The following ANTXRL variants were observed in gnomAD, a reference collection of about 807,000 sequenced individuals.
ANTXRL encodes anthrax toxin receptor-like.
A neutral mutation model predicts 75.4 loss-of-function variants in ANTXRL; 63 were observed. That is an observed-to-expected ratio of 0.84 (90% confidence interval 0.68 to 1.03). ANTXRL has a LOEUF of 1.03. ANTXRL is among the 50% of genes least tolerant of loss of function. The pLI is 0.00. For synonymous variants in ANTXRL, 335 were observed against 291.3 expected, an observed-to-expected ratio of 1.15 and a Z score of -1.53; for missense variants, 797 against 789.4, an observed-to-expected ratio of 1.01 and a Z score of -0.12.
In ANTXRL at chr10:46,326,890, G is replaced by A. The variant is rs193290759; in HGVS notation, c.1411-2709G>A. 1.6e-3 allele frequency among the ~76,000 whole-genome samples: 242 copies of A among 152,254 alleles called. 1 individual carries two copies. The highest frequency in any genetic ancestry group is 5.0e-3 in the African/African-American group (206 of 41,530). On this transcript the variant is annotated intron_variant, in intron 16 of 16. Coordinates refer to ENST00000620264, the MANE Select transcript of ANTXRL (RefSeq NM_001278688.3). ...CTCTGGTCGCTCTTGCTCTGGGTAC[G>A]GCCTTGAGCTTTGTGTGTGACCTGG...
intron 13 of ANTXRL, among the ~76,000 whole-genome samples, chr10:46,309,925 G>T (rs1195340887): frequency 2.6e-5 from 4 of 152,148 alleles, no homozygotes; most frequent in Non-Finnish European, 5.9e-5. Flanking sequence ...GGGGTGCTGG[G>T]AGCTGGGGTG....
At chr10:46,299,902 C>G (rs1317619987) in intron 9 of ANTXRL, among the ~76,000 whole-genome samples, 1 of 152,204 alleles carries the variant, frequency 6.6e-6, no homozygotes. Context: ...GCCTCTCCCC[C>G]ATGCAGAGCT....
Position 46,296,168 on chromosome 10 carries a change from C to T in ANTXRL, c.475-51C>T. On this transcript the variant is annotated intron_variant, in intron 4 of 16. Transcript: ENST00000620264. ...CCTAACCTACAAAATCTTAGAGCAT[C>T]AGTGGGAGCATCTCACTGTCCAGGC... 5 of 1,535,410 alleles carry T rather than the reference C, an allele frequency of 3.3e-6. No homozygotes were observed. The Admixed American group carries it at 5.9e-5, about 18-fold the overall frequency.
rs1554962175 is a variant in ANTXRL, at chr10:46,307,403, G to A, written c.967G>A (p.Glu323Lys). 1.8e-5 allele frequency: 27 copies of A among 1,535,002 alleles called. No homozygotes were observed. Among genetic ancestry groups the A allele is most frequent in the Non-Finnish European group, 2.3e-5 (26 of 1,145,850 alleles). Reference protein sequence around the residue: ...PGPKLEKPGEEYSIEVSLNKG... With the variant: ...PGPKLEKPGEKYSIEVSLNKG... ...CCATCTGCATTTTCTATGCTTTAGG[G>A]AGTACTCTATTGAAGTCAGCTTGAA... Residue 323 changes from glutamate to lysine, a missense_variant and splice_region_variant, in exon 12 of 17, where the codon GAG (glutamate) becomes AAG (lysine). Glu to Lys is a moderately conservative substitution (Grantham distance 56). Around this residue, in one of 3 missense-constraint regions of ANTXRL, gnomAD observed 479 missense variants for 422.0 expected, o/e 1.14. Coordinates refer to ENST00000620264, the MANE Select transcript of ANTXRL (RefSeq NM_001278688.3).
At chr10:46,314,833 G>C (rs1554964374) in intron 16 of ANTXRL, among the ~76,000 whole-genome samples, 1 of 152,124 alleles carries the variant, frequency 6.6e-6, no homozygotes. Flanking sequence ...CACCCAGATA[G>C]TAAGTGGCTG....
At chr10:46,297,173 C>A in intron 5 of ANTXRL, 79 bp from the exon 6 acceptor site, 1 of 1,191,188 alleles carries the variant, frequency 8.4e-7, no homozygotes, top group Non-Finnish European at 1.2e-6. Context: ...TGGGCCCAGC[C>A]ATCTGCAGGG....
chr10:46,286,351 AG>A (rs1554955148), upstream of ANTXRL: 1 of 152,276 alleles, frequency 6.6e-6, no homozygotes, highest in Non-Finnish European at 1.5e-5. Flanking sequence ...CCATGCTGGG[AG>A]GAAGCCCAGG....
At chr10:46,305,069 A>G (rs540986725) in intron 10 of ANTXRL, among the ~76,000 whole-genome samples, 1 of 152,330 alleles carries the variant, frequency 6.6e-6, no homozygotes, top group South Asian at 2.1e-4. Flanking sequence ...AATAATTGAG[A>G]ACAACCTTTA....
intron 5 of ANTXRL, among the ~76,000 whole-genome samples, chr10:46,296,465 G>A (rs568470446): frequency 6.6e-6 from 1 of 152,288 alleles, no homozygotes; most frequent in African/African-American, 2.4e-5. Context: ...GGGATCCTGC[G>A]TGTGCAGTTC....
chr10:46,326,467 C>T (rs563128747), intron 16 of ANTXRL, among the ~76,000 whole-genome samples: 15 of 152,272 alleles, frequency 9.9e-5, no homozygotes, highest in East Asian at 3.9e-4. Context: ...TTCTGGTTCC[C>T]GCCATGCCTT....
chr10:46,325,830 G>A (rs1832054561), intron 16 of ANTXRL, among the ~76,000 whole-genome samples: 1 of 151,970 alleles, frequency 6.6e-6, no homozygotes, highest in African/African-American at 2.4e-5. Context: ...GGGTTTTTGA[G>A]GGTCTTTAAT....
At chr10:46,312,215 G>C (rs1554963714) in intron 15 of ANTXRL, among the ~76,000 whole-genome samples, 4 of 151,550 alleles carry the variant, frequency 2.6e-5, no homozygotes, top group African/African-American at 9.7e-5. Context: ...CTTGTCGCCT[G>C]CTGAGATGGG....
chr10:46,292,453 C>G (rs1218613149), intron 2 of ANTXRL, among the ~76,000 whole-genome samples: 1 of 152,022 alleles, frequency 6.6e-6, no homozygotes, highest in Non-Finnish European at 1.5e-5. Context: ...GCTGAGGGTT[C>G]AAGTAGGGGG....
At chr10:46,313,088 G>A in intron 15 of ANTXRL, 148 bp from the exon 16 acceptor site, 2 of 716,566 alleles carry the variant, frequency 2.8e-6, no homozygotes, top group African/African-American at 1.8e-5. Context: ...CAGCACACAA[G>A]GCTGCCAGGC....
chr10:46,310,735 C>T (rs1444677467), intron 14 of ANTXRL, among the ~76,000 whole-genome samples: 1 of 152,046 alleles, frequency 6.6e-6, no homozygotes, highest in Non-Finnish European at 1.5e-5. Flanking sequence ...CCTGGGGTGG[C>T]CAGTTTCAGC....
chr10:46,306,095 G>A (rs555052876), intron 10 of ANTXRL, among the ~76,000 whole-genome samples: 1 of 152,264 alleles, frequency 6.6e-6, no homozygotes, highest in Non-Finnish European at 1.5e-5. Flanking sequence ...CAAGGTCAGC[G>A]AGTCACTGCC....
chr10:46,329,860 A>G lies in ANTXRL; in HGVS notation c.1672A>G (p.Arg558Gly), dbSNP rs1554967260. 6.5e-7 allele frequency: 1 copy of G among 1,535,144 alleles called. No homozygotes were observed. Among genetic ancestry groups the G allele is most frequent in the Admixed American group, 2.0e-5 (1 of 50,812 alleles). ...QAPCSPRICL[R>G]HSPEYFSQAQ... ...TCCCTGCAGCCCAAGGATCTGCCTG[A>G]GACACAGCCCGGAGTACTTTTCCCA... is the stretch of plus-strand genomic sequence containing the variant. The change falls in exon 17 of 17, where the codon AGA becomes GGA. Residue 558 changes from arginine to glycine, a missense_variant. Transcript: ENST00000620264.
intron 12 of ANTXRL, chr10:46,308,720 TG>T (rs1838250009): frequency 2.9e-6 from 1 of 339,540 alleles, no homozygotes; most frequent in African/African-American, 2.1e-5. Flanking sequence ...GTGCAGAGCC[TG>T]GAAGTGGGGA....
chr10:46,305,618 A>C (rs1838030787), intron 10 of ANTXRL, among the ~76,000 whole-genome samples: 1 of 152,138 alleles, frequency 6.6e-6, no homozygotes, highest in Admixed American at 6.5e-5. Flanking sequence ...CCAGGCCAGC[A>C]GGCAGATGCA....
Sources: allele counts gnomAD v4.1 joint callset (sites outside exome capture counted in the v4.1 genomes callset), GRCh38; gene constraint gnomAD v4.1.1; regional missense constraint gnomAD v4.1.1; transcripts MANE v1.5; gene names NCBI Gene and HGNC (gene_info 2026-07-23, HGNC 2026-07-21).